Variants in GUCY1A1 observed in about 807,000 individuals in gnomAD.
GUCY1A1 encodes guanylate cyclase soluble subunit alpha-1.
A neutral mutation model predicts 64.5 loss-of-function variants in GUCY1A1; 48 were observed. The observed-to-expected ratio is 0.74, with a 90% CI of 0.59 to 0.95. GUCY1A1 has a LOEUF of 0.95. GUCY1A1 is among the 40% of genes least tolerant of loss of function. The pLI is 0.00. For synonymous variants in GUCY1A1, 308 were observed against 303.4 expected (o/e 1.02, Z -0.16); for missense variants, 804 against 825.3 (o/e 0.97, Z 0.32).
chr4:155,702,567 G>C (rs1380893313), intron 3 of GUCY1A1, among the ~76,000 whole-genome samples: 1 of 152,152 alleles, frequency 6.6e-6, no homozygotes, highest in African/African-American at 2.4e-5. Context: ...CTCAGAATCT[G>C]CCCTCTGGGT....
chr4:155,730,231 G>A lies in GUCY1A1; in HGVS notation c.2073G>A (p.Ter691=). Reference sequence around the variant, plus strand: ...TAGGCAAAGCATCAGGAATAGATTAGCAACCTATATACCTATTTATAAGTC... The same window carrying A: ...TAGGCAAAGCATCAGGAATAGATTAACAACCTATATACCTATTTATAAGTC... ...NFLGKASGID[*] is the part of the protein sequence containing the mutation. Residue 691 remains the stop codon, a stop_retained_variant, in exon 10 of 10, where the codon TAG becomes TAA. Transcript: ENST00000506455. 2 of 1,571,878 alleles carry A rather than the reference G, an allele frequency of 1.3e-6. No individual in the cohort carries two copies. The highest frequency in any genetic ancestry group is 1.8e-6 in the Non-Finnish European group (2 of 1,142,242).
chr4:155,696,127 G>GT (rs1281465829), intron 2 of GUCY1A1, among the ~76,000 whole-genome samples: 1 of 151,972 alleles, frequency 6.6e-6, no homozygotes, highest in Non-Finnish European at 1.5e-5. Context: ...GAGTTCTGAT[G>GT]TTTTTTTCAT....
At chr4:155,725,273 G>A (rs1280523564) in intron 9 of GUCY1A1, among the ~76,000 whole-genome samples, 1 of 152,044 alleles carries the variant, frequency 6.6e-6, no homozygotes, top group East Asian at 1.9e-4. Context: ...GTTAACTGTT[G>A]ACTCCTGGGT....
At chr4:155,697,179 G>A (rs979003509) in intron 3 of GUCY1A1, 57 bp downstream of exon 3, 16 of 1,370,754 alleles carry the variant, frequency 1.2e-5, no homozygotes, top group Non-Finnish European at 1.4e-5. Context: ...GTAGAAGAAT[G>A]TTTTTCCAAG....
At chr4:155,687,733 G>A (rs1438085536) in intron 2 of GUCY1A1, among the ~76,000 whole-genome samples, 3 of 152,140 alleles carry the variant, frequency 2.0e-5, no homozygotes, top group Non-Finnish European at 4.4e-5. Flanking sequence ...CGCAGAGTTA[G>A]CACATGGTAG....
At chr4:155,682,502 T>C (rs889646445) in intron 2 of GUCY1A1, among the ~76,000 whole-genome samples, 6 of 152,018 alleles carry the variant, frequency 3.9e-5, no homozygotes, top group African/African-American at 1.4e-4. Flanking sequence ...AAACCCTGTC[T>C]CTACTAAAAA....
chr4:155,677,858 A>T lies in GUCY1A1; in HGVS notation c.-113+10439A>T, dbSNP rs889055482. 1.5e-4 allele frequency among the ~76,000 whole-genome samples: 6 copies of T among 39,696 alleles called. 1 individual carries two copies. The highest frequency in any genetic ancestry group is 3.1e-4 in the African/African-American group (6 of 19,104). 26.0% of individuals were successfully genotyped at this position (39,696 alleles called of 152,430 possible). ...CAGAGCGAGATTCCATTTCAAAAAT[A>T]TATATATATGTATATATATGAAAAA... is the stretch of plus-strand genomic sequence containing the variant. On this transcript the variant is annotated intron_variant, in intron 2 of 9. Transcript: ENST00000506455.
rs1157097302 is a variant in GUCY1A1 at position 155,735,163 on chromosome 4, C to G, written c.*4932C>G. 6.6e-6 allele frequency: 1 copy of G among 151,950 alleles called. No homozygotes were observed. Among genetic ancestry groups the G allele is most frequent in the African/African-American group, 2.4e-5 (1 of 41,414 alleles). The allele number at this position is 151,950 out of a possible 1,614,324, so 9.4% of individuals were successfully genotyped here. On this transcript the variant is annotated 3_prime_UTR_variant, in exon 10 of 10. Coordinates refer to ENST00000506455, the MANE Select transcript of GUCY1A1 (RefSeq NM_001130682.3). ...GCAGCTTTGCTTATTACAGCCACACCTGCATCTGTTTTGACTAGCCCACAT... is the reference window on the plus strand; with the variant it reads ...GCAGCTTTGCTTATTACAGCCACACGTGCATCTGTTTTGACTAGCCCACAT...
At chr4:155,707,186 T>C (rs1383750090) in intron 4 of GUCY1A1, among the ~76,000 whole-genome samples, 11 of 152,210 alleles carry the variant, frequency 7.2e-5, no homozygotes, top group Admixed American at 7.2e-4. Context: ...ATCCTCTTCT[T>C]GGCCACTTCA....
At chr4:155,722,506 T>C (rs1173138959) in intron 9 of GUCY1A1, 24 of 994,836 alleles carry the variant, frequency 2.4e-5, no homozygotes, top group Non-Finnish European at 3.0e-5. Flanking sequence ...CATCAACTAG[T>C]ACACTGCAGT....
At position 155,713,524 on chromosome 4, in the gene GUCY1A1, A is replaced by G; in HGVS notation, c.1513A>G (p.Met505Val). Residue 505 changes from methionine to valine, a missense_variant, in exon 7 of 10, where the codon ATG (methionine) becomes GTG (valine). Coordinates refer to ENST00000506455, the MANE Select transcript of GUCY1A1 (RefSeq NM_001130682.3). ...SQCSPLQVIT[M>V]LNALYTRFDQ... The stretch of plus-strand genomic sequence containing the variant: ...GTGCTCACCGCTGCAGGTCATCACC[A>G]TGCTCAATGCACTGTACACTCGCTT... 6.2e-7 allele frequency: 1 copy of G among 1,614,098 alleles called. No homozygotes were observed. The highest frequency in any genetic ancestry group is 8.5e-7 in the Non-Finnish European group (1 of 1,179,956).
chr4:155,709,890 A>AC (rs1291452686), intron 5 of GUCY1A1, among the ~76,000 whole-genome samples: 3 of 152,268 alleles, frequency 2.0e-5, no homozygotes, highest in Non-Finnish European at 4.4e-5. Context: ...GGCTTTTATG[A>AC]TAAAAAATAA....
Position 155,711,272 on chromosome 4 carries a change from T to C in GUCY1A1, c.1086+21T>C, listed in dbSNP as rs753499657. The C allele has an allele frequency of 1.5e-5, 18 of 1,224,160 alleles. No homozygotes were observed. In the East Asian group the frequency reaches 4.0e-4, roughly 27 times the overall value. 75.8% of individuals were successfully genotyped at this position (1,224,160 alleles called of 1,614,324 possible). A position where few individuals can be genotyped will look rare whatever the true frequency, so the allele number is the denominator to read the frequency against. On this transcript the variant is annotated intron_variant, in intron 6 of 9. Coordinates refer to ENST00000506455, the MANE Select transcript of GUCY1A1 (RefSeq NM_001130682.3). ...CAAGGGTAAGGAAAACATAATACTA[T>C]CTTGAATATGAAAGCTATTTCATAT...
intron 2 of GUCY1A1, chr4:155,668,088 A>C (rs1733612485): frequency 6.6e-6 from 1 of 152,322 alleles, no homozygotes; most frequent in Non-Finnish European, 1.5e-5. Flanking sequence ...TGTTTTCGTT[A>C]GGACTGCGGC....
intron 2 of GUCY1A1, among the ~76,000 whole-genome samples, chr4:155,694,103 G>A (rs779494422): frequency 3.3e-5 from 5 of 152,048 alleles, no homozygotes; most frequent in African/African-American, 4.8e-5. Flanking sequence ...ATTGTAGTTA[G>A]ATTTTGATAT....
intron 6 of GUCY1A1, among the ~76,000 whole-genome samples, chr4:155,711,784 T>C (rs1412653745): frequency 6.6e-6 from 1 of 152,224 alleles, no homozygotes; most frequent in Admixed American, 6.5e-5. Context: ...TGCTAACTCA[T>C]AGTTGATAAT....
intron 9 of GUCY1A1, among the ~76,000 whole-genome samples, chr4:155,726,463 G>C (rs908674545): frequency 6.6e-6 from 1 of 151,938 alleles, no homozygotes; most frequent in Non-Finnish European, 1.5e-5. Flanking sequence ...GGCTGCTAAA[G>C]AAGGTGTACA....
At chr4:155,670,102 C>T (rs1020507457) in intron 2 of GUCY1A1, among the ~76,000 whole-genome samples, 1 of 152,198 alleles carries the variant, frequency 6.6e-6, no homozygotes, top group Non-Finnish European at 1.5e-5. Context: ...ATGACTTTTT[C>T]TGTCAGATTC....
Position 155,711,227 on chromosome 4 carries a change from C to T in GUCY1A1, c.1062C>T (p.Asp354=), listed in dbSNP as rs143302494. 2.3e-4 allele frequency: 361 copies of T among 1,585,864 alleles called. No individual in the cohort carries two copies. The highest frequency in any genetic ancestry group is 3.1e-4 in the Non-Finnish European group (358 of 1,154,656). ...MQFVVRVRRW[D]NSVKKSSRVM... ...TTGTTGTACGAGTGAGGAGATGGGA[C>T]AACTCTGTGAAAAAATCTTCAAGGG... Residue 354 remains aspartate (D), a synonymous_variant, in exon 6 of 10, where the codon GAC becomes GAT. Transcript: ENST00000506455.
Sources: allele counts gnomAD v4.1 joint callset (sites outside exome capture counted in the v4.1 genomes callset), GRCh38; gene constraint gnomAD v4.1.1; transcripts MANE v1.5; gene names NCBI Gene and HGNC (gene_info 2026-07-23, HGNC 2026-07-21).